LMOD2: variants seen among roughly 807,000 people sequenced by gnomAD.
LMOD2 encodes leiomodin 2, also known as leiomodin-2.
LMOD2 carries 27 observed loss-of-function variants against 41.7 expected under a neutral mutation model. That is an observed-to-expected ratio of 0.65 (90% CI 0.48 to 0.89). The LOEUF is 0.89. Ranked by LOEUF, LMOD2 falls within the 40% of genes least tolerant of loss-of-function variation. LMOD2 has a pLI of 0.00. For synonymous variants in LMOD2, 251 were observed against 244.6 expected, an observed-to-expected ratio of 1.03 and a Z score of -0.25; for missense variants, 624 against 667.9, an observed-to-expected ratio of 0.93 and a Z score of 0.72.
Position 123,662,386 on chromosome 7 carries a change from A to G in LMOD2, c.800A>G (p.Asn267Ser), listed in dbSNP as rs1802891136. ...AMAIAEMLKVNEHITNVNVES... is the reference protein window; with the variant it reads ...AMAIAEMLKVSEHITNVNVES... ...GCCATTGCAGAGATGCTCAAAGTCA[A>G]TGAGCACATCACCAACGTAAACGTC... Residue 267 changes from asparagine (N) to serine (S), a missense_variant, in exon 2 of 3, where the codon AAT becomes AGT. By Grantham distance (46) the Asn-to-Ser change is conservative (BLOSUM62 1). Coordinates refer to ENST00000458573, the MANE Select transcript of LMOD2 (RefSeq NM_207163.3). This position sits in a 1 kb window ranked among gnomAD's most constrained non-coding sequence, Gnocchi z 4.0. 2.5e-6 allele frequency: 4 copies of G among 1,614,024 alleles called. No individual in the cohort carries two copies. The East Asian group carries it at 8.9e-5, about 36-fold the overall frequency.
Position 123,663,031 on chromosome 7 carries a change from G to C in LMOD2, c.1445G>C (p.Gly482Ala). The change falls in exon 2 of 3, where the codon GGG (glycine) becomes GCG (alanine). Residue 482 changes from glycine (G) to alanine (A), a missense_variant. Gly to Ala is a moderately conservative substitution (Grantham distance 60). Transcript: ENST00000458573. ...CAAAATGGACAAAAAAAGAAAAAAG[G>C]GAAAAAGGTCAAGAAACAGCCAAAC... ...ALQNGQKKKK[G>A]KKVKKQPNSI... 1 of 1,552,590 alleles carries C rather than the reference G, an allele frequency of 6.4e-7. No individual in the cohort carries two copies. The highest frequency in any genetic ancestry group is 8.7e-7 in the Non-Finnish European group (1 of 1,148,142).
intron 1 of LMOD2, 33 bp from the exon 2 acceptor site, chr7:123,661,827 T>C: frequency 7.3e-7 from 1 of 1,364,192 alleles, no homozygotes; most frequent in Non-Finnish European, 9.8e-7. Context: ...GTATCATTTT[T>C]AAGAAGCTTA....
At position 123,663,859 on chromosome 7, in the gene LMOD2, T is replaced by C; in HGVS notation, c.*114T>C. 1 of 793,988 alleles carries C rather than the reference T, an allele frequency of 1.3e-6. No individual in the cohort carries two copies. The highest frequency in any genetic ancestry group is 2.0e-6 in the Non-Finnish European group (1 of 495,078). The allele number at this position is 793,988 out of a possible 1,614,324, so 49.2% of individuals were successfully genotyped here. ...TCAAAATGATCCCTGACTTTAAAAA[T>C]AATCTCACCCATTAATTCCAAAGAG... On this transcript the variant is annotated 3_prime_UTR_variant, in exon 3 of 3. Transcript: ENST00000458573.
chr7:123,657,261 T>C (rs1406909120), intron 1 of LMOD2, among the ~76,000 whole-genome samples: 8 of 152,134 alleles, frequency 5.3e-5, no homozygotes, highest in Non-Finnish European at 1.2e-4. Flanking sequence ...TCTTCCGGAA[T>C]TATGGAAGAA....
Position 123,656,254 on chromosome 7 carries a change from T to C in LMOD2, c.273+18T>C, listed in dbSNP as rs745858273. On this transcript the variant is annotated intron_variant, in intron 1 of 2. Coordinates refer to ENST00000458573, the MANE Select transcript of LMOD2 (RefSeq NM_207163.3). ...GTGGAAAGGTAGGCTCTCGGGACTT[T>C]TCCTTGGCTAACCCCACCTCCCCAT... is the stretch of plus-strand genomic sequence containing the variant. The C allele has an allele frequency of 4.4e-6, 7 of 1,591,340 alleles. No individual in the cohort carries two copies. The South Asian group carries it at 8.0e-5, about 18-fold the overall frequency.
chr7:123,659,682 C>T (rs1361025161), intron 1 of LMOD2, among the ~76,000 whole-genome samples: 2 of 152,136 alleles, frequency 1.3e-5, no homozygotes, highest in African/African-American at 4.8e-5. Context: ...AGACATGGTC[C>T]ACTGCTCTCA....
At chr7:123,656,769 G>T (rs1216685308) in intron 1 of LMOD2, among the ~76,000 whole-genome samples, 1 of 152,138 alleles carries the variant, frequency 6.6e-6, no homozygotes, top group Non-Finnish European at 1.5e-5. Context: ...ACAGGGCCTT[G>T]TTATGAGTCC....
In LMOD2 at chr7:123,655,982, C is replaced by A; in HGVS notation, c.19C>A (p.Arg7=). The A allele has an allele frequency of 6.2e-7, 1 of 1,607,150 alleles. No individual in the cohort carries two copies. The highest frequency in any genetic ancestry group is 8.5e-7 in the Non-Finnish European group (1 of 1,177,408). ...AGGGACCATGTCTACCTTTGGCTAC[C>A]GAAGAGGACTCAGTAAATACGAATC... MSTFGY[R]RGLSKYESID... is the part of the protein sequence containing the mutation. Residue 7 remains arginine, a synonymous_variant, in exon 1 of 3, where the codon CGA becomes AGA. Transcript: ENST00000458573.
intron 1 of LMOD2, among the ~76,000 whole-genome samples, 172 bp from the exon 2 acceptor site, chr7:123,661,688 A>G (rs1481330261): frequency 6.6e-6 from 1 of 152,240 alleles, no homozygotes; most frequent in African/African-American, 2.4e-5. Flanking sequence ...TATTTATTGC[A>G]ATAAAATGTC....
chr7:123,656,745 T>C (rs542230107), intron 1 of LMOD2, among the ~76,000 whole-genome samples: 19 of 152,308 alleles, frequency 1.2e-4, no homozygotes, highest in African/African-American at 2.4e-4. Context: ...GGGAAGTACA[T>C]GACACTGAGA....
At position 123,662,045 on chromosome 7, in the gene LMOD2, T is replaced by C. The variant is rs1291110636; in HGVS notation, c.459T>C (p.Tyr153=). The change falls in exon 2 of 3, where the codon TAT becomes TAC. Residue 153 remains tyrosine (Y), a synonymous_variant. Transcript: ENST00000458573. This position sits in a 1 kb window ranked among gnomAD's most constrained non-coding sequence, Gnocchi z 4.0. Reference sequence around the variant, plus strand: ...AAGGGATTAATGGAACTGTAAATTATGATAGTGTCAATTCTGACAACTCTA... The same window carrying C: ...AAGGGATTAATGGAACTGTAAATTACGATAGTGTCAATTCTGACAACTCTA... ...TAKGINGTVN[Y]DSVNSDNSKP... 4 of 1,590,786 alleles carry C rather than the reference T, an allele frequency of 2.5e-6. No homozygotes were observed. Among genetic ancestry groups the C allele is most frequent in the African/African-American group, 1.3e-5 (1 of 74,714 alleles).
At chr7:123,659,096 A>G (rs766043471) in intron 1 of LMOD2, among the ~76,000 whole-genome samples, 18 of 152,200 alleles carry the variant, frequency 1.2e-4, no homozygotes, top group African/African-American at 1.9e-4. Context: ...ATTAACACAT[A>G]CTTTGAATGT....
intron 1 of LMOD2, among the ~76,000 whole-genome samples, chr7:123,660,452 C>A (rs1057200739): frequency 2.0e-5 from 3 of 152,078 alleles, no homozygotes; most frequent in Non-Finnish European, 4.4e-5. Context: ...CAGGCCATCA[C>A]TCGGTGCCTG....
rs1802919586 is a variant in LMOD2, at chr7:123,663,207, AG to A, written c.1617+5del. 1.3e-6 allele frequency: 2 copies of A among 1,560,180 alleles called. No individual in the cohort carries two copies. Among genetic ancestry groups the A allele is most frequent in the African/African-American group, 1.4e-5 (1 of 73,322 alleles). ...CAGCATAAAACAGCTAAAGCGGGTA[AG>A]TAACCAGAGAACAGACATAGGGGCA... is the stretch of plus-strand genomic sequence containing the variant. On this transcript the variant is annotated splice_donor_5th_base_variant and intron_variant, in intron 2 of 2. Coordinates refer to ENST00000458573, the MANE Select transcript of LMOD2 (RefSeq NM_207163.3).
Position 123,656,158 on chromosome 7 carries a change from C to T in LMOD2, c.195C>T (p.Ser65=). 6.2e-7 allele frequency: 1 copy of T among 1,609,772 alleles called. No homozygotes were observed. Among genetic ancestry groups the T allele is most frequent in the Non-Finnish European group, 8.5e-7 (1 of 1,178,140 alleles). ...LTEKTPTGTF[S]REALMAYWEK... is the part of the protein sequence containing the mutation. ...AGAAAACCCCCACAGGGACATTCAG[C>T]AGAGAGGCACTGATGGCCTATTGGG... The change falls in exon 1 of 3, where the codon AGC becomes AGT. Residue 65 remains serine (S), a synonymous_variant. Coordinates refer to ENST00000458573, the MANE Select transcript of LMOD2 (RefSeq NM_207163.3).
rs1336097812 is a variant in LMOD2 at position 123,662,311 on chromosome 7, T to C, written c.725T>C (p.Val242Ala). The C allele has an allele frequency of 3.1e-6, 5 of 1,613,994 alleles. No homozygotes were observed. The highest frequency in any genetic ancestry group is 3.4e-6 in the Non-Finnish European group (4 of 1,179,894). ...FAEALKDNTV[V>A]KTFSLANTHA... is the part of the protein sequence containing the mutation. ...GAAGCCCTCAAGGACAACACTGTGG[T>C]GAAGACGTTCAGTCTGGCCAACACG... The change falls in exon 2 of 3, where the codon GTG becomes GCG. Residue 242 changes from valine (V) to alanine (A), a missense_variant. Coordinates refer to ENST00000458573, the MANE Select transcript of LMOD2 (RefSeq NM_207163.3). This position sits in a 1 kb window ranked among gnomAD's most constrained non-coding sequence, Gnocchi z 4.0.
At position 123,662,549 on chromosome 7, in the gene LMOD2, G is replaced by A. The variant is rs753947099; in HGVS notation, c.963G>A (p.Leu321=). The A allele has an allele frequency of 6.2e-7, 1 of 1,613,806 alleles. No homozygotes were observed. Among genetic ancestry groups the A allele is most frequent in the Non-Finnish European group, 8.5e-7 (1 of 1,179,898 alleles). ...GSQVEMEIVK[L]LKENTTLLRL... is the part of the protein sequence containing the mutation. ...AGGTGGAAATGGAGATTGTCAAGCT[G>A]CTGAAGGAGAACACGACGCTGCTGA... Residue 321 remains leucine, a synonymous_variant, in exon 2 of 3, where the codon CTG becomes CTA. Coordinates refer to ENST00000458573, the MANE Select transcript of LMOD2 (RefSeq NM_207163.3). This position sits in a 1 kb window ranked among gnomAD's most constrained non-coding sequence, Gnocchi z 4.0.
chr7:123,663,318 A>C, intron 2 of LMOD2, 115 bp downstream of exon 2: 2 of 1,274,764 alleles, frequency 1.6e-6, no homozygotes, highest in Non-Finnish European at 2.1e-6. Flanking sequence ...TCAATATTTT[A>C]GTATGCGAGA....
intron 1 of LMOD2, among the ~76,000 whole-genome samples, chr7:123,660,261 G>T (rs1204585710): frequency 2.0e-5 from 3 of 151,600 alleles, no homozygotes; most frequent in Non-Finnish European, 4.4e-5. Flanking sequence ...CTTGCAGCCA[G>T]CTGCCACCAA....
Sources: gnomAD v4.1 joint callset for allele counts (sites outside exome capture counted in the v4.1 genomes callset) on GRCh38, gnomAD v4.1.1 for gene constraint, Gnocchi (gnomAD v3.1) non-coding constraint, MANE v1.5 for transcripts, NCBI Gene and HGNC (gene_info 2026-07-23, HGNC 2026-07-21) for gene names.